TNPO1: variants seen among roughly 807,000 people sequenced by gnomAD.
TNPO1 encodes transportin 1, also known as transportin-1.
A neutral mutation model predicts 119.5 loss-of-function variants in TNPO1; 8 were observed. The observed-to-expected ratio is 0.07, with a 90% CI of 0.04 to 0.12. The LOEUF is 0.12. Ranked by LOEUF, TNPO1 falls within the 10% of genes least tolerant of loss-of-function variation. The pLI is 1.00. For synonymous variants in TNPO1, 362 were observed against 363.0 expected (o/e 1.00, Z 0.03); for missense variants, 576 against 1,089.8 (o/e 0.53, Z 6.64).
At chr5:72,866,116 G>A (rs144048990) in intron 6 of TNPO1, among the ~76,000 whole-genome samples, 1,586 of 152,290 alleles carry the variant, frequency 0.01, 11 homozygotes, top group South Asian at 0.02. Context: ...GGCGTATTGC[G>A]TGGATGCTGG....
intron 2 of TNPO1, among the ~76,000 whole-genome samples, chr5:72,848,785 G>A (rs1442249119): frequency 6.7e-6 from 1 of 148,428 alleles, no homozygotes; most frequent in Non-Finnish European, 1.5e-5. Context: ...CGCCGCCCGG[G>A]ATCGCGACAT....
chr5:72,834,722 T>C (rs145267883), intron 1 of TNPO1, among the ~76,000 whole-genome samples: 4 of 152,332 alleles, frequency 2.6e-5, no homozygotes, highest in African/African-American at 9.6e-5. Context: ...AAATTGTTGT[T>C]TAAGTACAGT....
Position 72,901,092 on chromosome 5 carries a change from TTTG to T in TNPO1, c.2514+22_2514+24del. The T allele has an allele frequency of 6.5e-7, 1 of 1,542,936 alleles. No homozygotes were observed. Among genetic ancestry groups the T allele is most frequent in the Non-Finnish European group, 8.8e-7 (1 of 1,134,270 alleles). ...AATCCAAGTAAGATGTTCACAAAGATTTGTTTTTAATGTCTAATTAATAAAATT... is the reference window on the plus strand; with the variant it reads ...AATCCAAGTAAGATGTTCACAAAGATTTTTTAATGTCTAATTAATAAAATT... On this transcript the variant is annotated intron_variant, in intron 22 of 24. Coordinates refer to ENST00000337273, the MANE Select transcript of TNPO1 (RefSeq NM_002270.4).
intron 23 of TNPO1, among the ~76,000 whole-genome samples, chr5:72,904,559 G>A (rs528892100): frequency 2.0e-5 from 3 of 152,274 alleles, no homozygotes; most frequent in Non-Finnish European, 4.4e-5. Context: ...ACTTTGGGAG[G>A]CCGAGGCAGG....
At chr5:72,818,854 T>C (rs1561287078) in intron 1 of TNPO1, among the ~76,000 whole-genome samples, 1 of 152,206 alleles carries the variant, frequency 6.6e-6, no homozygotes, top group Non-Finnish European at 1.5e-5. Flanking sequence ...AGAGGAAGGA[T>C]CAGAAACAGT....
At chr5:72,843,938 C>T (rs1745021304) in intron 1 of TNPO1, among the ~76,000 whole-genome samples, 1 of 152,172 alleles carries the variant, frequency 6.6e-6, no homozygotes, top group African/African-American at 2.4e-5. Context: ...CAAATGAGAA[C>T]TTAGTGAGGA....
chr5:72,897,810 C>T (rs1343489782), intron 20 of TNPO1, among the ~76,000 whole-genome samples: 1 of 151,950 alleles, frequency 6.6e-6, no homozygotes, highest in Non-Finnish European at 1.5e-5. Flanking sequence ...TTCATTCAGG[C>T]ACATTCCTTT....
intron 1 of TNPO1, among the ~76,000 whole-genome samples, chr5:72,839,521 A>G (rs538021193): frequency 6.6e-6 from 1 of 152,324 alleles, no homozygotes; most frequent in East Asian, 1.9e-4. Flanking sequence ...AAGTAAATAA[A>G]CATTGTACTT....
Position 72,867,318 on chromosome 5 carries a change from T to A in TNPO1, c.596+1589T>A, listed in dbSNP as rs540605366. On this transcript the variant is annotated intron_variant, in intron 6 of 24. Transcript: ENST00000337273. ...CTAAATGTATCATCCATCTTTAATA[T>A]GATATTCTACATTATTTAATACCTT... Among the ~76,000 whole-genome samples the A allele has an allele frequency of 4.6e-5, 7 of 152,312 alleles. No homozygotes were observed. In the East Asian group the frequency reaches 1.3e-3, roughly 29 times the overall value.
At position 72,893,530 on chromosome 5, in the gene TNPO1, A is replaced by G; in HGVS notation, c.2050A>G (p.Met684Val). Residue 684 changes from methionine to valine, a missense_variant, in exon 17 of 25, where the codon ATG becomes GTG. Physicochemically the swap from Met to Val is conservative, Grantham distance 21 (BLOSUM62 1). This residue lies in a region of TNPO1 where 162 missense variants were observed against 294.1 expected (regional missense o/e 0.55). Transcript: ENST00000337273. ...CATCCTGACACTAATGTATCAGTGCATGCAGGTGAGACTTGAAAGGTGAAA... is the reference window on the plus strand; with the variant it reads ...CATCCTGACACTAATGTATCAGTGCGTGCAGGTGAGACTTGAAAGGTGAAA... ...SNILTLMYQC[M>V]QDKMPEVRQS... 2 of 1,614,206 alleles carry G rather than the reference A, an allele frequency of 1.2e-6. No homozygotes were observed. The highest frequency in any genetic ancestry group is 1.7e-6 in the Non-Finnish European group (2 of 1,180,024).
intron 22 of TNPO1, among the ~76,000 whole-genome samples, chr5:72,903,009 A>G (rs944999961): frequency 6.6e-6 from 1 of 152,188 alleles, no homozygotes; most frequent in Non-Finnish European, 1.5e-5. Flanking sequence ...AATCAGCAAT[A>G]TGTTGAATGC....
chr5:72,865,541 T>C, intron 5 of TNPO1, 55 bp from the exon 6 acceptor site: 1 of 1,593,938 alleles, frequency 6.3e-7, no homozygotes. Context: ...TTCAGTTTGT[T>C]TTCAAATGGC....
At chr5:72,875,106 CAT>C (rs1747666303) in intron 7 of TNPO1, among the ~76,000 whole-genome samples, 1 of 152,178 alleles carries the variant, frequency 6.6e-6, no homozygotes, top group South Asian at 2.1e-4. Context: ...TCCATTCAGA[CAT>C]TGCTTTTTAC....
chr5:72,908,865 G>A lies in TNPO1; in HGVS notation c.*192G>A. The A allele has an allele frequency of 2.2e-6, 1 of 453,550 alleles. No homozygotes were observed. Among genetic ancestry groups the A allele is most frequent in the South Asian group, 1.6e-5 (1 of 64,098 alleles). The allele number at this position is 453,550 out of a possible 1,614,324, so 28.1% of individuals were successfully genotyped here. ...GTTGCCGTCACTGTATTAAGTCGAT[G>A]TTGGGAAACGTTTTAACATCTGGAG... On this transcript the variant is annotated 3_prime_UTR_variant, in exon 25 of 25. Coordinates refer to ENST00000337273, the MANE Select transcript of TNPO1 (RefSeq NM_002270.4).
intron 11 of TNPO1, among the ~76,000 whole-genome samples, chr5:72,883,750 T>TG (rs1748421208): frequency 6.6e-6 from 1 of 152,094 alleles, no homozygotes; most frequent in African/African-American, 2.4e-5. Flanking sequence ...TTTGTTTGTT[T>TG]TTTTGTTTTG....
Position 72,905,459 on chromosome 5 carries a change from A to T in TNPO1, c.*35+14A>T. ...CCAAAATTAGGGGTAAGTTATAAGA[A>T]GTTTGGAAATTTTCAGGATGAAGAA... On this transcript the variant is annotated intron_variant, in intron 24 of 24. Transcript: ENST00000337273. The T allele has an allele frequency of 7.3e-7, 1 of 1,377,240 alleles. No homozygotes were observed. Among genetic ancestry groups the T allele is most frequent in the Non-Finnish European group, 1.0e-6 (1 of 996,060 alleles). 85.3% of individuals were successfully genotyped at this position (1,377,240 alleles called of 1,614,324 possible). A position where few individuals can be genotyped will look rare whatever the true frequency, so the allele number is the denominator to read the frequency against.
At chr5:72,898,623 T>C (rs1233502998) in intron 20 of TNPO1, among the ~76,000 whole-genome samples, 1 of 152,160 alleles carries the variant, frequency 6.6e-6, no homozygotes, top group Non-Finnish European at 1.5e-5. Context: ...ATCTCAATAT[T>C]TCATAAAGCC....
At chr5:72,834,235 A>G (rs959556989) in intron 1 of TNPO1, among the ~76,000 whole-genome samples, 3 of 152,138 alleles carry the variant, frequency 2.0e-5, no homozygotes, top group African/African-American at 7.2e-5. Flanking sequence ...ATAGTAAATA[A>G]CTATTATTGG....
chr5:72,832,163 G>A (rs572069798), intron 1 of TNPO1, among the ~76,000 whole-genome samples: 1 of 152,128 alleles, frequency 6.6e-6, no homozygotes, highest in African/African-American at 2.4e-5. Context: ...ATAGATTGTT[G>A]AGTTATTTCT....
Sources: gnomAD v4.1 joint callset for allele counts (sites outside exome capture counted in the v4.1 genomes callset) on GRCh38, gnomAD v4.1.1 for gene constraint, gnomAD v4.1.1 regional missense constraint, MANE v1.5 for transcripts, NCBI Gene and HGNC (gene_info 2026-07-23, HGNC 2026-07-21) for gene names.